The following LYG2 variants were observed in gnomAD, a reference collection of about 807,000 sequenced individuals.
LYG2 encodes the protein lysozyme g2.
Under a neutral mutation model 22.4 loss-of-function variants are expected in LYG2, and 25 were observed. The ratio of observed to expected loss-of-function variants is 1.12; its 90% CI spans 0.81 to 1.56. The LOEUF (loss-of-function observed/expected upper bound fraction) is 1.56. LYG2 is among the 40% of genes most tolerant of loss of function. The pLI, the probability that LYG2 is intolerant of heterozygous loss-of-function variation, is 0.00. For synonymous variants in LYG2, 88 were observed against 97.0 expected, an observed-to-expected ratio of 0.91 and a Z score of 0.55; for missense variants, 266 against 269.5, an observed-to-expected ratio of 0.99 and a Z score of 0.09.
intron 4 of LYG2, among the ~76,000 whole-genome samples, chr2:99,246,023 G>A (rs1021959113): frequency 6.6e-6 from 1 of 152,098 alleles, no homozygotes; most frequent in African/African-American, 2.4e-5. Flanking sequence ...CAGGAGAATC[G>A]CTTGAACCTG....
rs999579137 is a variant in LYG2, at chr2:99,243,693, CTTTTTTTTTTTTTTT to C, written c.520+291_520+305del. On this transcript the variant is annotated intron_variant, in intron 6 of 6. Coordinates refer to ENST00000333017, the MANE Select transcript of LYG2 (RefSeq NM_175735.4). Reference sequence around the variant, plus strand: ...TGGGACTGTGTGTCACCATGCCCAGCTTTTTTTTTTTTTTTTTTTTTTTTTGTAGAGACAGGGTCT... The same window carrying C: ...TGGGACTGTGTGTCACCATGCCCAGCTTTTTTTTTTGTAGAGACAGGGTCT... 1.5e-4 allele frequency: 24 copies of C among 157,102 alleles called. 1 individual carries two copies. In the South Asian group the frequency reaches 1.7e-3, roughly 11 times the overall value. 9.7% of individuals were successfully genotyped at this position (157,102 alleles called of 1,614,324 possible).
chr2:99,243,349 G>C, intron 6 of LYG2: 1 of 1,308,116 alleles, frequency 7.6e-7, no homozygotes, highest in Non-Finnish European at 1.1e-6. Flanking sequence ...GAGGGGGCCT[G>C]TGGTCAGCCA....
At chr2:99,249,464 T>TA (rs1174412082) in intron 3 of LYG2, among the ~76,000 whole-genome samples, 1 of 147,496 alleles carries the variant, frequency 6.8e-6, no homozygotes, top group South Asian at 2.2e-4. Flanking sequence ...ATGTTTGATG[T>TA]AAAAAAAATA....
chr2:99,249,385 A>T (rs898138801), intron 3 of LYG2, among the ~76,000 whole-genome samples: 1 of 151,372 alleles, frequency 6.6e-6, no homozygotes, highest in African/African-American at 2.4e-5. Flanking sequence ...GTGCCACTGC[A>T]CTCCAGCCTG....
At chr2:99,243,693 CTTTTTT>C in intron 6 of LYG2, 93 of 156,428 alleles carry the variant, frequency 5.9e-4, no homozygotes, top group East Asian at 1.2e-3. Flanking sequence ...CCATGCCCAG[CTTTTTT>C]TTTTTTTTTT....
At position 99,244,055 on chromosome 2, in the gene LYG2, C is replaced by A. The variant is rs770164628; in HGVS notation, c.464G>T (p.Arg155Ile). 3 of 1,614,046 alleles carry A rather than the reference C, an allele frequency of 1.9e-6. No homozygotes were observed. The highest frequency in any genetic ancestry group is 1.7e-6 in the Non-Finnish European group (2 of 1,180,002). Reference protein sequence around the residue: ...LSQATGILTERIKAIQKKFPT... With the variant: ...LSQATGILTEIIKAIQKKFPT... ...GAATTTTTTCTGGATTGCCTTAATT[C>A]TCTCTGTTAGAATCCCAGTAGCCTG... The change falls in exon 6 of 7, where the codon AGA becomes ATA. Residue 155 changes from arginine to isoleucine, a missense_variant. Coordinates refer to ENST00000333017, the MANE Select transcript of LYG2 (RefSeq NM_175735.4).
Position 99,250,499 on chromosome 2 carries a change from C to T in LYG2, c.44-3679G>A, listed in dbSNP as rs568484074. 3.3e-5 allele frequency among the ~76,000 whole-genome samples: 5 copies of T among 152,052 alleles called. No individual in the cohort carries two copies. In the South Asian group the frequency reaches 8.3e-4, roughly 25 times the overall value. Reference sequence around the variant, plus strand: ...ATGCCATTCTCCTGCCTCAGCCTCCCCAGCAGCTGGGACTACAGGCGCCTG... The same window carrying T: ...ATGCCATTCTCCTGCCTCAGCCTCCTCAGCAGCTGGGACTACAGGCGCCTG... On this transcript the variant is annotated intron_variant, in intron 3 of 6. Transcript: ENST00000333017.
chr2:99,246,840 C>T lies in LYG2; in HGVS notation c.44-20G>A. 2 of 1,604,018 alleles carry T rather than the reference C, an allele frequency of 1.2e-6. No homozygotes were observed. Among genetic ancestry groups the T allele is most frequent in the African/African-American group, 1.3e-5 (1 of 74,466 alleles). Reference sequence around the variant, plus strand: ...AAGTGCCTAGGAGGCAGAAGTGTAACTCACATGAATCCTCTGAGAAGATAT... The same window carrying T: ...AAGTGCCTAGGAGGCAGAAGTGTAATTCACATGAATCCTCTGAGAAGATAT... On this transcript the variant is annotated intron_variant, in intron 3 of 6. Coordinates refer to ENST00000333017, the MANE Select transcript of LYG2 (RefSeq NM_175735.4).
rs563528476 is a variant in LYG2 at position 99,250,676 on chromosome 2, A to G, written c.43+3542T>C. 1.4e-4 allele frequency among the ~76,000 whole-genome samples: 21 copies of G among 152,248 alleles called. No individual in the cohort carries two copies. The East Asian group carries it at 4.1e-3, about 29-fold the overall frequency. On this transcript the variant is annotated intron_variant, in intron 3 of 6. Coordinates refer to ENST00000333017, the MANE Select transcript of LYG2 (RefSeq NM_175735.4). ...GGCGTGAGCCACCACGCCTGGCTGC[A>G]TTTTCCAACTCTTTAGTTGGCAAGA...
upstream of LYG2, among the ~76,000 whole-genome samples, chr2:99,259,566 TA>T (rs1261007681): frequency 6.6e-6 from 1 of 152,232 alleles, no homozygotes; most frequent in Non-Finnish European, 1.5e-5. Context: ...AACAAAATTT[TA>T]AAGTAACGTT....
At chr2:99,243,322 TG>T in intron 6 of LYG2, 1 of 941,080 alleles carries the variant, frequency 1.1e-6, no homozygotes, top group Non-Finnish European at 1.6e-6. Context: ...TAATTCCATC[TG>T]GGAGATGCTG....
chr2:99,245,853 A>G (rs1209882794), intron 4 of LYG2, among the ~76,000 whole-genome samples: 1 of 152,078 alleles, frequency 6.6e-6, no homozygotes, highest in Non-Finnish European at 1.5e-5. Flanking sequence ...CATGCCTGTA[A>G]TCCCAGCACT....
Position 99,245,421 on chromosome 2 carries a change from C to G in LYG2, c.222G>C (p.Leu74Phe), listed in dbSNP as rs1368538041. Residue 74 changes from leucine (L) to phenylalanine (F), a missense_variant, in exon 5 of 7, where the codon TTG (leucine) becomes TTC (phenylalanine). Physicochemically the swap from Leu to Phe is conservative, Grantham distance 22. Coordinates refer to ENST00000333017, the MANE Select transcript of LYG2 (RefSeq NM_175735.4). The stretch of plus-strand genomic sequence containing the variant: ...GAGTCTGGTAAGGTTTTATGGCCCT[C>G]AAATCCATCTCAGCAAACATTTCAG... ...RGSEMFAEMDLRAIKPYQTLI... is the reference protein window; with the variant it reads ...RGSEMFAEMDFRAIKPYQTLI... 3 of 1,610,626 alleles carry G rather than the reference C, an allele frequency of 1.9e-6. No individual in the cohort carries two copies. The highest frequency in any genetic ancestry group is 1.7e-6 in the Non-Finnish European group (2 of 1,178,348).
intron 3 of LYG2, among the ~76,000 whole-genome samples, chr2:99,252,939 TG>T (rs1178579831): frequency 6.8e-6 from 1 of 147,464 alleles, no homozygotes; most frequent in Admixed American, 7.0e-5. Context: ...CCCAGCTACT[TG>T]GGAGGCTGAG....
chr2:99,251,649 G>A (rs1023729366), intron 3 of LYG2, among the ~76,000 whole-genome samples: 9 of 151,720 alleles, frequency 5.9e-5, no homozygotes, highest in South Asian at 4.2e-4. Context: ...TGAAATAAAC[G>A]ACAGCTCCAT....
At chr2:99,247,918 G>A (rs4419269) in intron 3 of LYG2, among the ~76,000 whole-genome samples, 28,579 of 151,746 alleles carry the variant, frequency 0.19, 2,890 homozygotes, top group Admixed American at 0.26. Flanking sequence ...AAAAGTGGGC[G>A]AAGTACATGA....
At chr2:99,246,618 T>C in intron 4 of LYG2, 62 bp downstream of exon 4, 1 of 1,570,550 alleles carries the variant, frequency 6.4e-7, no homozygotes, top group South Asian at 1.2e-5. Context: ...AGTGACTTCC[T>C]AAGAAAGAAT....
chr2:99,245,463 G>A lies in LYG2; in HGVS notation c.185-5C>T, dbSNP rs150845517. 1.3e-5 allele frequency: 20 copies of A among 1,571,356 alleles called. 1 individual carries two copies. The highest frequency in any genetic ancestry group is 6.9e-5 in the South Asian group (6 of 87,470). ...ACATTTCAGAACCACGGATCCCTAC[G>A]TCAATAGAAAAGAAACTGTTTTTCC... On this transcript the variant is annotated splice_polypyrimidine_tract_variant and splice_region_variant and intron_variant, in intron 4 of 6. Transcript: ENST00000333017.
chr2:99,258,085 C>T (rs928790791), upstream of LYG2, among the ~76,000 whole-genome samples: 3 of 152,180 alleles, frequency 2.0e-5, no homozygotes, highest in African/African-American at 7.2e-5. Context: ...CTGCCTCCCT[C>T]CCAACACTAG....
Sources: allele counts gnomAD v4.1 joint callset (sites outside exome capture counted in the v4.1 genomes callset), GRCh38; gene constraint gnomAD v4.1.1; transcripts MANE v1.5; gene names NCBI Gene and HGNC (gene_info 2026-07-23, HGNC 2026-07-21).